Variants in JARID2 observed in about 807,000 individuals in gnomAD.
The protein encoded by JARID2 is jumonji and AT-rich interaction domain containing 2.
JARID2 carries 21 observed loss-of-function variants against 125.6 expected under a neutral mutation model. The ratio of observed to expected loss-of-function variants is 0.17; its 90% CI spans 0.12 to 0.24. JARID2 has a LOEUF of 0.24. JARID2 is among the 10% of genes least tolerant of loss of function. The pLI is 1.00. For missense variants in JARID2, 1,303 were observed against 1,639.6 expected (o/e 0.79, Z 3.55); for synonymous variants, 736 against 661.6 (o/e 1.11, Z -1.73).
intron 1 of JARID2, among the ~76,000 whole-genome samples, chr6:15,338,657 G>A (rs980619990): frequency 6.6e-6 from 1 of 151,300 alleles, no homozygotes; most frequent in Non-Finnish European, 1.5e-5. Context: ...AGAGGAACCA[G>A]CTCCCTCTAG....
rs945837320 is a variant in JARID2 at position 15,509,053 on chromosome 6, C to T, written c.2846+599C>T. 1.2e-5 allele frequency: 16 copies of T among 1,289,280 alleles called. No homozygotes were observed. In the African/African-American group the frequency reaches 1.7e-4, roughly 13 times the overall value. The allele number at this position is 1,289,280 out of a possible 1,614,324, so 79.9% of individuals were successfully genotyped here. A position where few individuals can be genotyped will look rare whatever the true frequency, so the allele number is the denominator to read the frequency against. The stretch of plus-strand genomic sequence containing the variant: ...ATCTCGTTCCTGCCATGTGGAGACA[C>T]GCGCGTTATGTACCCTGTGGAGTCT... On this transcript the variant is annotated intron_variant, in intron 12 of 17. Transcript: ENST00000341776.
intron 6 of JARID2, among the ~76,000 whole-genome samples, chr6:15,491,769 G>C (rs55901822): frequency 6.6e-6 from 1 of 151,972 alleles, no homozygotes; most frequent in Non-Finnish European, 1.5e-5. Flanking sequence ...TGTGTGTGTC[G>C]GTGGTGGGGT....
intron 1 of JARID2, among the ~76,000 whole-genome samples, chr6:15,310,706 A>T (rs1464914654): frequency 2.6e-5 from 4 of 152,172 alleles, no homozygotes; most frequent in African/African-American, 9.7e-5. Context: ...TGGGATTTCA[A>T]TCTCCAGAAT....
rs534294281 is a variant in JARID2 at position 15,397,506 on chromosome 6, T to C, written c.182-12718T>C. Among the ~76,000 whole-genome samples, 4 of 152,142 alleles carry C rather than the reference T, an allele frequency of 2.6e-5. No homozygotes were observed. The South Asian group carries it at 6.2e-4, about 24-fold the overall frequency. On this transcript the variant is annotated intron_variant, in intron 2 of 17. Coordinates refer to ENST00000341776, the MANE Select transcript of JARID2 (RefSeq NM_004973.4). Reference sequence around the variant, plus strand: ...GCACCAACTGGGGTTGGTCTTGGGGTTGAGGTGATAATTAGGTGGATGGCA... The same window carrying C: ...GCACCAACTGGGGTTGGTCTTGGGGCTGAGGTGATAATTAGGTGGATGGCA...
At chr6:15,325,326 C>A (rs560327710) in intron 1 of JARID2, among the ~76,000 whole-genome samples, 1 of 152,246 alleles carries the variant, frequency 6.6e-6, no homozygotes, top group Admixed American at 6.5e-5. Context: ...CCTCACTCTC[C>A]GTGTTATATT....
intron 4 of JARID2, among the ~76,000 whole-genome samples, chr6:15,460,680 TTTGTTGTTGTTG>T (rs150851411): frequency 2.3e-4 from 35 of 151,098 alleles, no homozygotes; most frequent in Admixed American, 5.3e-4. Flanking sequence ...GAATGCTCAT[TTTGTTGTTGTTG>T]TTGTTGTTGT....
At chr6:15,327,558 T>C (rs904855598) in intron 1 of JARID2, among the ~76,000 whole-genome samples, 11 of 151,838 alleles carry the variant, frequency 7.2e-5, no homozygotes, top group Admixed American at 2.6e-4. Context: ...TGTGCGCGTG[T>C]GTGTGCGTGT....
chr6:15,421,848 G>A (rs1000984340), intron 3 of JARID2, among the ~76,000 whole-genome samples: 4 of 152,174 alleles, frequency 2.6e-5, no homozygotes, highest in African/African-American at 9.7e-5. Context: ...GGGTGGGGGT[G>A]CAGTTTGAAC....
At chr6:15,334,091 A>G (rs188532326) in intron 1 of JARID2, among the ~76,000 whole-genome samples, 243 of 152,342 alleles carry the variant, frequency 1.6e-3, no homozygotes, top group African/African-American at 5.7e-3. Context: ...CAGAGCATGT[A>G]TAAGTCTGTA....
intron 1 of JARID2, among the ~76,000 whole-genome samples, chr6:15,283,180 G>T (rs9370811): frequency 7.3e-5 from 11 of 149,696 alleles, no homozygotes; most frequent in African/African-American, 2.0e-4. Context: ...GGGTTTCACC[G>T]TGTTAGCCAG....
rs186899526 is a variant in JARID2 at position 15,337,698 on chromosome 6, A to G, written c.46-36419A>G. Among the ~76,000 whole-genome samples, 52 of 138,546 alleles carry G rather than the reference A, an allele frequency of 3.8e-4. No individual in the cohort carries two copies. In the East Asian group the frequency reaches 0.01, roughly 27 times the overall value. The allele number at this position is 138,546 out of a possible 152,430, so 90.9% of individuals were successfully genotyped here. A position where few individuals can be genotyped will look rare whatever the true frequency, so the allele number is the denominator to read the frequency against. On this transcript the variant is annotated intron_variant, in intron 1 of 17. Coordinates refer to ENST00000341776, the MANE Select transcript of JARID2 (RefSeq NM_004973.4). ...CTGAATTTTCCCCTTTTTGCCTCTT[A>G]AACTGTTTCTCTCTTTTTTTCCTTT... is the stretch of plus-strand genomic sequence containing the variant.
At position 15,293,435 on chromosome 6, in the gene JARID2, G is replaced by A. The variant is rs1561775366; in HGVS notation, c.45+46851G>A. 2.0e-5 allele frequency among the ~76,000 whole-genome samples: 3 copies of A among 152,150 alleles called. No individual in the cohort carries two copies. In the South Asian group the frequency reaches 6.2e-4, roughly 32 times the overall value. ...ATCTCAACAAAAACCCAAAAAACCT[G>A]CTAGCTCTTTGAAGGGACAGATGAA... is the stretch of plus-strand genomic sequence containing the variant. On this transcript the variant is annotated intron_variant, in intron 1 of 17. Transcript: ENST00000341776.
intron 1 of JARID2, among the ~76,000 whole-genome samples, chr6:15,295,195 C>T (rs2127401779): frequency 6.8e-6 from 1 of 148,062 alleles, no homozygotes; most frequent in South Asian, 2.1e-4. Context: ...CATCTTGGCT[C>T]ACTGCAAGCT....
At chr6:15,440,212 A>G (rs1015226897) in intron 3 of JARID2, among the ~76,000 whole-genome samples, 1 of 152,216 alleles carries the variant, frequency 6.6e-6, no homozygotes, top group African/African-American at 2.4e-5. Context: ...CTGTCTACAT[A>G]TGTGACCTCT....
chr6:15,491,595 A>C (rs1038072207), intron 6 of JARID2, among the ~76,000 whole-genome samples: 1 of 152,262 alleles, frequency 6.6e-6, no homozygotes, highest in African/African-American at 2.4e-5. Context: ...AGAACTTGCC[A>C]GTGAATCTGA....
chr6:15,385,315 A>C (rs1581486200), intron 2 of JARID2, among the ~76,000 whole-genome samples: 1 of 151,704 alleles, frequency 6.6e-6, no homozygotes, highest in Admixed American at 6.6e-5. Context: ...GTGCCCCCAT[A>C]CCCTGGAATG....
intron 1 of JARID2, among the ~76,000 whole-genome samples, chr6:15,326,893 A>T (rs1241507913): frequency 6.6e-6 from 1 of 152,198 alleles, no homozygotes; most frequent in African/African-American, 2.4e-5. Context: ...GATTTCCCCT[A>T]CTGTCAGTCT....
At chr6:15,435,464 G>A (rs1767162379) in intron 3 of JARID2, among the ~76,000 whole-genome samples, 1 of 152,186 alleles carries the variant, frequency 6.6e-6, no homozygotes, top group African/African-American at 2.4e-5. Context: ...GGGCTTGGAG[G>A]GTGGTAGGAT....
At chr6:15,385,685 C>T (rs371777664) in intron 2 of JARID2, among the ~76,000 whole-genome samples, 4 of 152,058 alleles carry the variant, frequency 2.6e-5, no homozygotes, top group Non-Finnish European at 5.9e-5. Flanking sequence ...AGCATGCAGA[C>T]GGCTCAGTGG....
Sources: gnomAD v4.1 joint callset for allele counts (sites outside exome capture counted in the v4.1 genomes callset) on GRCh38, gnomAD v4.1.1 for gene constraint, MANE v1.5 for transcripts, NCBI Gene and HGNC (gene_info 2026-07-23, HGNC 2026-07-21) for gene names.